The following BEND2 variants were observed in gnomAD, a reference collection of about 807,000 sequenced individuals.
BEND2 encodes the protein BEN domain-containing protein 2.
Under a neutral mutation model 43.8 loss-of-function variants are expected in BEND2, and 19 were observed. That is an observed-to-expected ratio of 0.43 (90% CI 0.30 to 0.64). The LOEUF is 0.64. BEND2 is among the 30% of genes least tolerant of loss of function. BEND2 has a pLI of 0.11. For missense variants in BEND2, 544 were observed against 574.0 expected (o/e 0.95, Z 0.53); for synonymous variants, 226 against 210.1 (o/e 1.08, Z -0.66).
rs996629577 is a variant in BEND2, at chrX:18,220,608, C to T, written c.25+118G>A. On this transcript the variant is annotated intron_variant, in intron 1 of 13. Coordinates refer to ENST00000380033, the MANE Select transcript of BEND2 (RefSeq NM_153346.5). ...CCAGAGGCCGCCCCCCGACACGCCC[C>T]GGTCAATGACTAGCCAATCCTGCCG... 4.4e-5 allele frequency: 45 copies of T among 1,032,327 alleles called. No individual in the cohort carries two copies. The African/African-American group carries it at 7.5e-4, about 17-fold the overall frequency. The allele number at this position is 1,032,327 out of a possible 1,213,427, so 85.1% of individuals were successfully genotyped here.
At chrX:18,188,065 C>T (rs920882509) in intron 8 of BEND2, among the ~76,000 whole-genome samples, 3 of 110,460 alleles carry the variant, frequency 2.7e-5, no homozygotes, top group African/African-American at 9.9e-5. Flanking sequence ...GCTATAAGTG[C>T]CTACATCAAA....
intron 8 of BEND2, among the ~76,000 whole-genome samples, chrX:18,180,917 C>T (rs1451319241): frequency 2.7e-5 from 3 of 109,782 alleles, no homozygotes; most frequent in Non-Finnish European, 5.7e-5. Flanking sequence ...TGGAATTACA[C>T]GCACCCACCA....
intron 9 of BEND2, among the ~76,000 whole-genome samples, chrX:18,178,096 C>T (rs1244483442): frequency 9.0e-6 from 1 of 111,657 alleles, no homozygotes; most frequent in Non-Finnish European, 1.9e-5. Flanking sequence ...CATATGTAAA[C>T]ATGTTGCCCT....
chrX:18,180,594 T>G lies in BEND2; in HGVS notation c.1345A>C (p.Asn449His). 1 of 1,211,210 alleles carries G rather than the reference T, an allele frequency of 8.3e-7. No individual in the cohort carries two copies. The highest frequency in any genetic ancestry group is 1.8e-5 in the South Asian group (1 of 56,954). ...KVDTNTENSV[N>H]TMNRSTLLDS... ...AATAAAGTTGAGCGATTCATTGTGT[T>G]GACGCTGTTTTCCGTGTTGGTGTCT... is the stretch of plus-strand genomic sequence containing the variant. The change falls in exon 9 of 14, where the codon AAC (asparagine) becomes CAC (histidine). Residue 449 changes from asparagine (N) to histidine (H), a missense_variant. Transcript: ENST00000380033.
In BEND2 at chrX:18,216,708, G is replaced by A; in HGVS notation, c.51C>T (p.Asp17=). 8.3e-7 allele frequency: 1 copy of A among 1,204,447 alleles called. No homozygotes were observed. ...EQDFVIITVD[D]SDDNNDCSIE... ...TACTGCAATCATTGTTATCATCACT[G>A]TCGTCGACAGTTATAATAACAAAAT... Residue 17 remains aspartate, a synonymous_variant, in exon 2 of 14, where the codon GAC becomes GAT. Transcript: ENST00000380033.
At chrX:18,175,526 A>G (rs1924116430) in intron 11 of BEND2, among the ~76,000 whole-genome samples, 1 of 112,116 alleles carries the variant, frequency 8.9e-6, no homozygotes, top group African/African-American at 3.2e-5. Flanking sequence ...ACGTCATGAC[A>G]TGAGTTTATT....
At chrX:18,220,008 C>G (rs1329662094) in intron 1 of BEND2, among the ~76,000 whole-genome samples, 1 of 112,007 alleles carries the variant, frequency 8.9e-6, no homozygotes, top group Non-Finnish European at 1.9e-5. Flanking sequence ...CTCGCCCCCC[C>G]ATACCCCGCC....
At chrX:18,187,960 A>T (rs1924627480) in intron 8 of BEND2, among the ~76,000 whole-genome samples, 1 of 111,516 alleles carries the variant, frequency 9.0e-6, no homozygotes, top group South Asian at 3.8e-4. Context: ...TAAGAGGGAA[A>T]TTGAAAAAAA....
chrX:18,176,748 C>G (rs1020487632), intron 10 of BEND2, among the ~76,000 whole-genome samples: 1 of 111,170 alleles, frequency 9.0e-6, no homozygotes, highest in Admixed American at 9.6e-5. Flanking sequence ...TTTAATAACC[C>G]AATGGATAAA....
intron 13 of BEND2, among the ~76,000 whole-genome samples, chrX:18,165,452 C>G (rs1033401680): frequency 8.9e-6 from 1 of 111,950 alleles, no homozygotes; most frequent in Non-Finnish European, 1.9e-5. Flanking sequence ...AACAATCTCC[C>G]ATGACCTTGC....
intron 8 of BEND2, 93 bp from the exon 9 acceptor site, chrX:18,180,743 C>T: frequency 1.5e-6 from 1 of 652,578 alleles, no homozygotes; most frequent in Non-Finnish European, 2.3e-6. Context: ...CAAAAGAAAA[C>T]TAAAAAGATT....
chrX:18,169,723 T>C (rs186183785), intron 13 of BEND2, among the ~76,000 whole-genome samples: 7 of 112,277 alleles, frequency 6.2e-5, no homozygotes, highest in Admixed American at 5.7e-4. Flanking sequence ...TGATTGCCCT[T>C]CTACAAAGCA....
intron 8 of BEND2, among the ~76,000 whole-genome samples, chrX:18,188,959 G>C (rs1318640698): frequency 1.8e-5 from 2 of 111,976 alleles, no homozygotes; most frequent in Non-Finnish European, 3.8e-5. Flanking sequence ...CCAGCACTTT[G>C]GGAGGCCGAG....
chrX:18,220,194 G>A (rs1476235105), intron 1 of BEND2, among the ~76,000 whole-genome samples: 1 of 112,330 alleles, frequency 8.9e-6, no homozygotes, highest in Non-Finnish European at 1.9e-5. Flanking sequence ...TGCCCCAGCC[G>A]CTATGCCAAA....
chrX:18,200,502 C>CAAAAAAAAAA (rs397895069), intron 6 of BEND2, among the ~76,000 whole-genome samples: 1 of 38,652 alleles, frequency 2.6e-5, no homozygotes, highest in African/African-American at 9.7e-5. Context: ...GACTCTGTCT[C>CAAAAAAAAAA]AAAAAAAAAA....
chrX:18,163,305 T>C lies in BEND2; in HGVS notation c.*1704A>G, dbSNP rs1188452884. ...CATGGGAACCACTTTTAAACACTTT[T>C]TTTTATAAATAAGAGGCATTTTGAA... On this transcript the variant is annotated 3_prime_UTR_variant, in exon 14 of 14. Transcript: ENST00000380033. 2 of 111,505 alleles carry C rather than the reference T, an allele frequency of 1.8e-5. No individual in the cohort carries two copies. The highest frequency in any genetic ancestry group is 9.6e-5 in the Admixed American group (1 of 10,412). 9.2% of individuals were successfully genotyped at this position (111,505 alleles called of 1,213,427 possible).
intron 13 of BEND2, among the ~76,000 whole-genome samples, chrX:18,168,727 T>C (rs181077824): frequency 8.9e-6 from 1 of 111,796 alleles, no homozygotes; most frequent in South Asian, 3.8e-4. Flanking sequence ...TAGTTATTTA[T>C]ATGAAATCAA....
intron 5 of BEND2, among the ~76,000 whole-genome samples, chrX:18,203,003 T>TA (rs1364859144): frequency 4.5e-5 from 5 of 110,666 alleles, no homozygotes; most frequent in South Asian, 3.8e-4. Context: ...TTATGTTGAG[T>TA]AAAAAAAAGC....
intron 8 of BEND2, among the ~76,000 whole-genome samples, chrX:18,183,042 C>CAAAAA (rs56812732): frequency 1.2e-4 from 5 of 40,786 alleles, no homozygotes; most frequent in Admixed American, 4.1e-4. Flanking sequence ...ACTCTGTCTC[C>CAAAAA]AAAAAAAAAA....
Sources: gnomAD v4.1 joint callset for allele counts (sites outside exome capture counted in the v4.1 genomes callset) on GRCh38, gnomAD v4.1.1 for gene constraint, MANE v1.5 for transcripts, NCBI Gene and HGNC (gene_info 2026-07-23, HGNC 2026-07-21) for gene names.